The following MAGI2 variants were observed in gnomAD, a reference collection of about 807,000 sequenced individuals.
MAGI2 encodes the protein membrane associated guanylate kinase, WW and PDZ domain containing 2, also known as membrane-associated guanylate kinase, WW and PDZ domain-containing protein 2.
MAGI2 carries 35 observed loss-of-function variants against 133.3 expected under a neutral mutation model. The ratio of observed to expected loss-of-function variants is 0.26; its 90% confidence interval spans 0.20 to 0.35. MAGI2 has a LOEUF of 0.35. Among genes scored for constraint, MAGI2 ranks in the 10% least tolerant of loss-of-function variants. The pLI is 1.00. For synonymous variants in MAGI2, 729 were observed against 710.6 expected (o/e 1.03, Z -0.41); for missense variants, 1,636 against 1,863.4 (o/e 0.88, Z 2.25).
chr7:79,274,827 A>G (rs181800738), intron 1 of MAGI2, among the ~76,000 whole-genome samples: 11 of 152,216 alleles, frequency 7.2e-5, no homozygotes, highest in African/African-American at 2.4e-4. Flanking sequence ...CAATATTTCA[A>G]ACTTTTTTGT....
chr7:78,095,319 A>G (rs1817596784), intron 20 of MAGI2, among the ~76,000 whole-genome samples: 1 of 152,068 alleles, frequency 6.6e-6, no homozygotes, highest in African/African-American at 2.4e-5. Context: ...TCTTTCACTC[A>G]GCACCCCTTC....
intron 3 of MAGI2, among the ~76,000 whole-genome samples, chr7:78,552,533 G>C (rs1799439789): frequency 6.6e-6 from 1 of 152,158 alleles, no homozygotes; most frequent in African/African-American, 2.4e-5. Context: ...TAGCCGGCAT[G>C]ATAGTAAAAA....
chr7:79,260,363 AATACATACATACATAC>A (rs61427819), intron 1 of MAGI2, among the ~76,000 whole-genome samples: 4,274 of 149,186 alleles, frequency 0.029, 89 homozygotes, highest in East Asian at 0.055. Context: ...TCTCTAAGTA[AATACATACATACATAC>A]ATACATACAT....
At chr7:79,338,180 T>A (rs1840579561) in intron 1 of MAGI2, among the ~76,000 whole-genome samples, 1 of 152,184 alleles carries the variant, frequency 6.6e-6, no homozygotes, top group Non-Finnish European at 1.5e-5. Context: ...TAGAAGGCAG[T>A]GAGACTAAGG....
rs549290154 is a variant in MAGI2 at position 79,292,474 on chromosome 7, A to G, written c.301+160546T>C. Among the ~76,000 whole-genome samples the G allele has an allele frequency of 3.9e-4, 59 of 151,816 alleles. 1 individual carries two copies. The South Asian group carries it at 6.9e-3, about 18-fold the overall frequency. ...CTGTCTCTACCAAAAAAAATAAAAA[A>G]ATAAAAAATTAGCCAGGTCTGGTGG... On this transcript the variant is annotated intron_variant, in intron 1 of 21. Transcript: ENST00000354212.
intron 1 of MAGI2, among the ~76,000 whole-genome samples, chr7:79,195,729 T>C (rs1218431464): frequency 6.6e-6 from 1 of 151,854 alleles, no homozygotes; most frequent in Non-Finnish European, 1.5e-5. Context: ...CTCTCTACAA[T>C]AGTCATATTA....
At position 78,605,895 on chromosome 7, in the gene MAGI2, CG is replaced by C. The variant is rs1563232748; in HGVS notation, c.538+21224del. Among the ~76,000 whole-genome samples, 4 of 152,166 alleles carry C rather than the reference CG, an allele frequency of 2.6e-5. 1 individual carries two copies. The highest frequency in any genetic ancestry group is 2.6e-4 in the Admixed American group (4 of 15,282). On this transcript the variant is annotated intron_variant, in intron 3 of 21. Coordinates refer to ENST00000354212, the MANE Select transcript of MAGI2 (RefSeq NM_012301.4). ...CGAGCAGAAAAGTAGTGATTAGATT[CG>C]GACACTAGAGAGATTACTCCAGCAT...
chr7:78,577,818 T>C (rs1802425238), intron 3 of MAGI2, among the ~76,000 whole-genome samples: 1 of 152,218 alleles, frequency 6.6e-6, no homozygotes, highest in Non-Finnish European at 1.5e-5. Context: ...AAACTGGCGA[T>C]CTGGATGTGT....
At chr7:79,424,381 G>A (rs979173542) in intron 1 of MAGI2, among the ~76,000 whole-genome samples, 2 of 151,996 alleles carry the variant, frequency 1.3e-5, no homozygotes, top group African/African-American at 4.8e-5. Flanking sequence ...GAAGCAGAGA[G>A]TAGAATGGTG....
chr7:78,407,812 G>T (rs563723802), intron 6 of MAGI2, among the ~76,000 whole-genome samples: 2 of 151,780 alleles, frequency 1.3e-5, no homozygotes, highest in Non-Finnish European at 2.9e-5. Context: ...TCTTACTGAG[G>T]TGCCTTTATG....
At chr7:79,160,426 CAAA>C (rs1471818999) in intron 1 of MAGI2, among the ~76,000 whole-genome samples, 1 of 151,934 alleles carries the variant, frequency 6.6e-6, no homozygotes, top group Non-Finnish European at 1.5e-5. Context: ...AAGCAACTGT[CAAA>C]AACCAAATGG....
At chr7:78,391,740 T>A (rs532383423) in intron 6 of MAGI2, among the ~76,000 whole-genome samples, 40 of 152,340 alleles carry the variant, frequency 2.6e-4, no homozygotes, top group African/African-American at 8.9e-4. Flanking sequence ...CTCTTTCAAT[T>A]TATGATAATG....
Position 78,017,255 on chromosome 7 carries a change from T to C in MAGI2, c.*2060A>G, listed in dbSNP as rs2151023869. 1 of 152,744 alleles carries C rather than the reference T, an allele frequency of 6.5e-6. No homozygotes were observed. Among genetic ancestry groups the C allele is most frequent in the South Asian group, 2.1e-4 (1 of 4,832 alleles). 9.5% of individuals were successfully genotyped at this position (152,744 alleles called of 1,614,324 possible). A position where few individuals can be genotyped will look rare whatever the true frequency, so the allele number is the denominator to read the frequency against. ...TAGAGATACAGCTGTACAGGGTAAA[T>C]TCACAGCTAACACTACACAAATATT... On this transcript the variant is annotated 3_prime_UTR_variant, in exon 22 of 22. Coordinates refer to ENST00000354212, the MANE Select transcript of MAGI2 (RefSeq NM_012301.4).
At chr7:79,415,295 C>A (rs566124232) in intron 1 of MAGI2, 15 of 152,210 alleles carry the variant, frequency 9.9e-5, no homozygotes, top group African/African-American at 3.4e-4. Flanking sequence ...AATTGTATGT[C>A]TCTTAGAGTT....
intron 3 of MAGI2, among the ~76,000 whole-genome samples, chr7:78,594,189 T>C (rs1057442145): frequency 5.3e-5 from 8 of 152,204 alleles, no homozygotes; most frequent in African/African-American, 1.9e-4. Flanking sequence ...GCCGGAACTA[T>C]ATAGCTTTGG....
intron 3 of MAGI2, among the ~76,000 whole-genome samples, chr7:78,626,161 G>T (rs1048477831): frequency 6.6e-6 from 1 of 152,052 alleles, no homozygotes; most frequent in Non-Finnish European, 1.5e-5. Context: ...TTAGTTGCAG[G>T]TTAATAAAAC....
chr7:78,021,815 C>T (rs1193250010), intron 21 of MAGI2, among the ~76,000 whole-genome samples: 3 of 152,154 alleles, frequency 2.0e-5, no homozygotes, highest in African/African-American at 7.2e-5. Flanking sequence ...TCTCTCTGAG[C>T]CTCAATTTCT....
At chr7:78,087,792 A>G (rs1487970292) in intron 20 of MAGI2, among the ~76,000 whole-genome samples, 3 of 152,266 alleles carry the variant, frequency 2.0e-5, no homozygotes, top group African/African-American at 7.2e-5. Context: ...AAACTAATAC[A>G]GAGAAATAAC....
intron 1 of MAGI2, among the ~76,000 whole-genome samples, chr7:79,135,179 G>T (rs1821278960): frequency 2.0e-5 from 3 of 152,066 alleles, no homozygotes; most frequent in Middle Eastern, 3.4e-3. Context: ...TAAGAATGGT[G>T]GTCAGCACAA....
Sources: gnomAD v4.1 joint callset for allele counts (sites outside exome capture counted in the v4.1 genomes callset) on GRCh38, gnomAD v4.1.1 for gene constraint, MANE v1.5 for transcripts, NCBI Gene and HGNC (gene_info 2026-07-23, HGNC 2026-07-21) for gene names.